Variants in ROBO2 observed in about 807,000 individuals in gnomAD.
ROBO2 encodes roundabout homolog 2.
Under a neutral mutation model 160.8 loss-of-function variants are expected in ROBO2, and 53 were observed. The observed-to-expected ratio is 0.33, with a 90% CI of 0.26 to 0.41. The LOEUF (loss-of-function observed/expected upper bound fraction) is 0.41. ROBO2 is among the 10% of genes least tolerant of loss of function. ROBO2 has a pLI of 1.00. For missense variants in ROBO2, 1,577 were observed against 1,722.4 expected (o/e 0.92, Z 1.49); for synonymous variants, 664 against 611.7 (o/e 1.09, Z -1.26).
intron 2 of ROBO2, among the ~76,000 whole-genome samples, chr3:76,782,780 A>G (rs896862027): frequency 1.3e-5 from 2 of 150,746 alleles, no homozygotes; most frequent in Non-Finnish European, 3.0e-5. Context: ...TGAAAGCTAA[A>G]GTGAGTCTCT....
intron 2 of ROBO2, among the ~76,000 whole-genome samples, chr3:76,225,042 T>C (rs1704199251): frequency 6.6e-6 from 1 of 152,166 alleles, no homozygotes; most frequent in Non-Finnish European, 1.5e-5. Context: ...TAACTATACT[T>C]CTTAATATAC....
chr3:75,984,905 G>A (rs1488685466), intron 2 of ROBO2, among the ~76,000 whole-genome samples: 1 of 151,328 alleles, frequency 6.6e-6, no homozygotes, highest in Non-Finnish European at 1.5e-5. Context: ...TATTTTACAA[G>A]CATGATATAC....
At chr3:77,041,802 A>AT (rs548614205) in intron 1 of ROBO2, among the ~76,000 whole-genome samples, 68 of 150,420 alleles carry the variant, frequency 4.5e-4, no homozygotes, top group South Asian at 1.5e-3. Context: ...AGTACTAGAT[A>AT]TTTTTTTTTT....
intron 2 of ROBO2, among the ~76,000 whole-genome samples, chr3:76,414,368 G>T (rs1577044188): frequency 6.6e-6 from 1 of 152,024 alleles, no homozygotes; most frequent in African/African-American, 2.4e-5. Flanking sequence ...TACTGCTAGA[G>T]TTCAGTTAGT....
chr3:76,475,619 T>C (rs2078893897), intron 2 of ROBO2, among the ~76,000 whole-genome samples: 1 of 152,178 alleles, frequency 6.6e-6, no homozygotes, highest in African/African-American at 2.4e-5. Context: ...GTATGTTACT[T>C]ATACCTGGAC....
At chr3:77,078,100 T>G (rs2068204809) in intron 1 of ROBO2, among the ~76,000 whole-genome samples, 1 of 152,152 alleles carries the variant, frequency 6.6e-6, no homozygotes, top group African/African-American at 2.4e-5. Flanking sequence ...CTACATTTTA[T>G]TTCCACTCAT....
At position 76,085,169 on chromosome 3, in the gene ROBO2, CA is replaced by C. The variant is rs574354096; in HGVS notation, c.109+147568del. On this transcript the variant is annotated intron_variant, in intron 2 of 26. Coordinates refer to the ROBO2 transcript ENST00000487694. The stretch of plus-strand genomic sequence containing the variant: ...CGTATATACATATATGATATATATG[CA>C]TGGAAAATTGAGTATATGTATATAG... 5.4e-3 allele frequency among the ~76,000 whole-genome samples: 813 copies of C among 151,500 alleles called. 11 individuals are homozygous for C. The highest frequency in any genetic ancestry group is 0.019 in the African/African-American group (787 of 41,286).
chr3:76,286,309 T>C (rs1444094648), intron 2 of ROBO2, among the ~76,000 whole-genome samples: 1 of 152,112 alleles, frequency 6.6e-6, no homozygotes, highest in East Asian at 1.9e-4. Context: ...CATTCAAGGA[T>C]TGAAAACATG....
At chr3:76,642,891 C>T (rs1484030605) in intron 2 of ROBO2, among the ~76,000 whole-genome samples, 2 of 152,054 alleles carry the variant, frequency 1.3e-5, no homozygotes, top group Non-Finnish European at 2.9e-5. Context: ...GACTTTTATG[C>T]TTCATTACTA....
At chr3:77,036,102 C>T (rs1272313618), upstream of ROBO2, among the ~76,000 whole-genome samples, 1 of 151,932 alleles carries the variant, frequency 6.6e-6, no homozygotes. Context: ...TTCTTGATAA[C>T]ATAGACTTTG....
chr3:76,273,412 T>C (rs1373862330), intron 2 of ROBO2, among the ~76,000 whole-genome samples: 1 of 151,932 alleles, frequency 6.6e-6, no homozygotes, highest in African/African-American at 2.4e-5. Flanking sequence ...ACGGAGTGGG[T>C]GTATTAGTCT....
At chr3:76,276,160 A>AT (rs1431383077) in intron 2 of ROBO2, among the ~76,000 whole-genome samples, 1 of 152,056 alleles carries the variant, frequency 6.6e-6, no homozygotes, top group African/African-American at 2.4e-5. Context: ...TAAAATGTAT[A>AT]TTTTAATCAC....
At chr3:77,111,142 TG>T (rs2073523631) in intron 2 of ROBO2, among the ~76,000 whole-genome samples, 1 of 151,980 alleles carries the variant, frequency 6.6e-6, no homozygotes, top group African/African-American at 2.4e-5. Flanking sequence ...ATCTTGTTTA[TG>T]GAAAAAAAAG....
intron 2 of ROBO2, among the ~76,000 whole-genome samples, chr3:76,411,784 T>G (rs1224499979): frequency 6.6e-6 from 1 of 152,222 alleles, no homozygotes; most frequent in Non-Finnish European, 1.5e-5. Flanking sequence ...TCTGCAGTGA[T>G]AATACTGATG....
intron 2 of ROBO2, among the ~76,000 whole-genome samples, chr3:76,181,365 A>G (rs1185153110): frequency 6.8e-6 from 1 of 147,718 alleles, no homozygotes; most frequent in Non-Finnish European, 1.5e-5. Context: ...GAATATGTCT[A>G]CTTGTAAGAA....
chr3:76,340,448 T>A lies in ROBO2; in HGVS notation c.109+402846T>A, dbSNP rs543631365. Among the ~76,000 whole-genome samples, 131 of 152,260 alleles carry A rather than the reference T, an allele frequency of 8.6e-4. 1 individual carries two copies. Among genetic ancestry groups the A allele is most frequent in the Middle Eastern group, 3.4e-3 (1 of 294 alleles). On this transcript the variant is annotated intron_variant, in intron 2 of 26. Coordinates refer to the ROBO2 transcript ENST00000487694. ...CAGTCTATCACTCTAACTGATATAT[T>A]TCTAACCAGAATAATATGAGTATAA... is the stretch of plus-strand genomic sequence containing the variant.
Position 76,216,573 on chromosome 3 carries a change from G to A in ROBO2, c.109+278971G>A, listed in dbSNP as rs561342888. On this transcript the variant is annotated intron_variant, in intron 2 of 26. Transcript: ENST00000487694. ...CAAAAGAGACAAAGAAGGCCATTAC[G>A]TAATGGTAAAGGGATCAATTCAACA... Among the ~76,000 whole-genome samples the A allele has an allele frequency of 8.4e-3, 1,285 of 152,124 alleles. 12 individuals carry two copies. Among genetic ancestry groups the A allele is most frequent in the Middle Eastern group, 0.027 (8 of 292 alleles).
rs10530471 is a variant in ROBO2, at chr3:76,425,487, AGTGTGTGTGTGTGTGTGTGTGTGTGT to A, written c.109+487898_109+487923del. The stretch of plus-strand genomic sequence containing the variant: ...AACTTTGAAGATCCATGATGCAGCA[AGTGTGTGTGTGTGTGTGTGTGTGTGT>A]GTGTGTGTGTGTCTGTGTGTGTGTG... On this transcript the variant is annotated intron_variant, in intron 2 of 26. Coordinates refer to the ROBO2 transcript ENST00000487694. Among the ~76,000 whole-genome samples, 5 of 146,578 alleles carry A rather than the reference AGTGTGTGTGTGTGTGTGTGTGTGTGT, an allele frequency of 3.4e-5. No homozygotes were observed. In the South Asian group the frequency reaches 8.8e-4, roughly 26 times the overall value.
intron 2 of ROBO2, among the ~76,000 whole-genome samples, chr3:76,651,551 A>G (rs2091258579): frequency 6.6e-6 from 1 of 152,012 alleles, no homozygotes; most frequent in Non-Finnish European, 1.5e-5. Flanking sequence ...CTAGTAGCTC[A>G]ATGTATATGT....
Sources: gnomAD v4.1 joint callset for allele counts (sites outside exome capture counted in the v4.1 genomes callset) on GRCh38, gnomAD v4.1.1 for gene constraint, MANE v1.5 for transcripts, NCBI Gene and HGNC (gene_info 2026-07-23, HGNC 2026-07-21) for gene names.